The following DOP1A variants were observed in gnomAD, a reference collection of about 807,000 sequenced individuals.
DOP1A encodes DOP1 leucine zipper like protein A, also known as protein DOP1A.
In DOP1A, 90 loss-of-function variants were observed where a neutral mutation model predicts 267.6. The ratio of observed to expected loss-of-function variants is 0.34; its 90% CI spans 0.28 to 0.40. DOP1A has a LOEUF of 0.40. Among genes scored for constraint, DOP1A ranks in the 10% least tolerant of loss-of-function variants. The pLI is 1.00. For missense variants in DOP1A, 2,437 were observed against 2,900.4 expected (o/e 0.84, Z 3.67); for synonymous variants, 932 against 999.1 (o/e 0.93, Z 1.27).
chr6:83,168,028 G>A lies in DOP1A; in HGVS notation c.7259G>A (p.Gly2420Glu). 1 of 1,614,106 alleles carries A rather than the reference G, an allele frequency of 6.2e-7. No homozygotes were observed. Among genetic ancestry groups the A allele is most frequent in the Non-Finnish European group, 8.5e-7 (1 of 1,180,024 alleles). ...KVTSRCGGHS[G>E]SPILYSNAFP... ...ACAAGCCGATGTGGAGGACACTCAG[G>A]GAGTCCTATCCTCTACTCAAATGCC... Residue 2420 changes from glycine to glutamate, a missense_variant, in exon 39 of 39, where the codon GGG becomes GAG. Gly to Glu is a moderately conservative substitution (Grantham distance 98, BLOSUM62 -2). Transcript: ENST00000349129.
At chr6:83,117,763 C>A (rs1169192475) in intron 7 of DOP1A, among the ~76,000 whole-genome samples, 4 of 152,048 alleles carry the variant, frequency 2.6e-5, no homozygotes, top group Non-Finnish European at 5.9e-5. Context: ...TTTGTGCACC[C>A]CCTGAAAAAG....
chr6:83,070,084 C>T (rs1053881084), intron 1 of DOP1A, among the ~76,000 whole-genome samples: 8 of 152,118 alleles, frequency 5.3e-5, no homozygotes, highest in South Asian at 2.1e-4. Flanking sequence ...ACTAGTACAC[C>T]ACCAGTGTGG....
chr6:83,139,935 C>A, intron 21 of DOP1A, 65 bp from the exon 22 acceptor site: 1 of 1,058,316 alleles, frequency 9.4e-7, no homozygotes, highest in Non-Finnish European at 1.4e-6. Context: ...TGAGTATTTA[C>A]TAGTGATAAA....
At chr6:83,164,136 T>G (rs1233607375) in intron 38 of DOP1A, among the ~76,000 whole-genome samples, 15 of 148,684 alleles carry the variant, frequency 1.0e-4, no homozygotes. Context: ...TCAGAAATTT[T>G]CCAGTCTTCT....
Position 83,128,951 on chromosome 6 carries a change from G to T in DOP1A, c.1784G>T (p.Ser595Ile), listed in dbSNP as rs753464181. 3 of 1,575,884 alleles carry T rather than the reference G, an allele frequency of 1.9e-6. No homozygotes were observed. The highest frequency in any genetic ancestry group is 1.8e-5 in the Admixed American group (1 of 54,858). The change falls in exon 16 of 39, where the codon AGT becomes ATT. Residue 595 changes from serine to isoleucine, a missense_variant. This residue lies in a region of DOP1A where 498 missense variants were observed against 513.5 expected (regional missense o/e 0.97). Coordinates refer to ENST00000349129, the MANE Select transcript of DOP1A (RefSeq NM_015018.4). ...GAAGATGGAGAAAATCCACCAAGTA[G>T]TCGATCATCAGAGAGTGGATTCACT... ...VFEDGENPPS[S>I]RSSESGFTEF... is the part of the protein sequence containing the mutation.
chr6:83,132,431 A>C (rs1778215985), intron 18 of DOP1A, 103 bp downstream of exon 18: 1 of 1,263,372 alleles, frequency 7.9e-7, no homozygotes, highest in Non-Finnish European at 1.1e-6. Flanking sequence ...TGCAATTAAC[A>C]TCGGAGTAAG....
chr6:83,094,134 A>G (rs1771010679), intron 1 of DOP1A, among the ~76,000 whole-genome samples: 1 of 152,094 alleles, frequency 6.6e-6, no homozygotes, highest in South Asian at 2.1e-4. Flanking sequence ...AGATTTTTCT[A>G]TTCCTGTCAT....
At chr6:83,155,440 T>A (rs1213956558) in intron 33 of DOP1A, among the ~76,000 whole-genome samples, 1 of 151,850 alleles carries the variant, frequency 6.6e-6, no homozygotes, top group Non-Finnish European at 1.5e-5. Flanking sequence ...TCAGACTGGG[T>A]GACAGAGGAA....
At chr6:83,068,112 G>A (rs529598283) in intron 1 of DOP1A, among the ~76,000 whole-genome samples, 1 of 152,350 alleles carries the variant, frequency 6.6e-6, no homozygotes, top group African/African-American at 2.4e-5. Context: ...TGCTGGGGCG[G>A]AGCGGTGCGC....
At chr6:83,107,127 T>C (rs1773755607) in intron 4 of DOP1A, among the ~76,000 whole-genome samples, 1 of 152,078 alleles carries the variant, frequency 6.6e-6, no homozygotes, top group African/African-American at 2.4e-5. Context: ...AGAAGGTTAG[T>C]TAGAATAAAG....
intron 4 of DOP1A, among the ~76,000 whole-genome samples, chr6:83,103,932 AC>A (rs1162637038): frequency 6.6e-5 from 10 of 152,128 alleles, no homozygotes; most frequent in African/African-American, 2.4e-4. Flanking sequence ...TATATGTATT[AC>A]CCTTATTCTG....
At chr6:83,106,511 T>G (rs1408779820) in intron 4 of DOP1A, among the ~76,000 whole-genome samples, 1 of 151,902 alleles carries the variant, frequency 6.6e-6, no homozygotes, top group East Asian at 1.9e-4. Flanking sequence ...GAGTCAGAAA[T>G]AGAAAATGTA....
At chr6:83,083,766 A>T (rs912678078) in intron 1 of DOP1A, among the ~76,000 whole-genome samples, 1 of 152,186 alleles carries the variant, frequency 6.6e-6, no homozygotes, top group Non-Finnish European at 1.5e-5. Flanking sequence ...GTATGTGCTT[A>T]AGTGTTTATT....
At chr6:83,080,781 C>T (rs566332566) in intron 1 of DOP1A, among the ~76,000 whole-genome samples, 3 of 152,274 alleles carry the variant, frequency 2.0e-5, no homozygotes, top group African/African-American at 7.2e-5. Flanking sequence ...AGGTTCACCA[C>T]GGCCATTTAT....
At position 83,110,357 on chromosome 6, in the gene DOP1A, T is replaced by C. The variant is rs1304600287; in HGVS notation, c.681+43T>C. On this transcript the variant is annotated intron_variant, in intron 6 of 38. Transcript: ENST00000349129. ...GTTGCTCATTTCACAAATATTTCTT[T>C]AGAGTCAGGCACTATTCCAGACATA... is the stretch of plus-strand genomic sequence containing the variant. 3.2e-6 allele frequency: 5 copies of C among 1,580,028 alleles called. No individual in the cohort carries two copies. The South Asian group carries it at 5.8e-5, about 18-fold the overall frequency.
At position 83,113,394 on chromosome 6, in the gene DOP1A, C is replaced by T; in HGVS notation, c.753C>T (p.Leu251=). 1 of 1,613,786 alleles carries T rather than the reference C, an allele frequency of 6.2e-7. No individual in the cohort carries two copies. Among genetic ancestry groups the T allele is most frequent in the Middle Eastern group, 1.7e-4 (1 of 6,058 alleles). Residue 251 remains leucine, a synonymous_variant, in exon 7 of 39, where the codon CTC becomes CTT. Transcript: ENST00000349129. ...AGAGAAGCACACTGGACCTCATACT[C>T]TTCTGTTTTCCATTCCACATGAGTC... ...LVQRSTLDLI[L]FCFPFHMSQA...
At chr6:83,132,120 T>C (rs1361751094) in intron 17 of DOP1A, 56 bp from the exon 18 acceptor site, 2 of 1,566,468 alleles carry the variant, frequency 1.3e-6, no homozygotes, top group African/African-American at 1.4e-5. Flanking sequence ...ATAGGAAATA[T>C]TTGTTAAATT....
intron 7 of DOP1A, among the ~76,000 whole-genome samples, chr6:83,117,591 C>A (rs950596552): frequency 6.6e-6 from 1 of 152,172 alleles, no homozygotes; most frequent in African/African-American, 2.4e-5. Context: ...ATAGTAGGTG[C>A]AGCTGCTATG....
At chr6:83,077,135 A>G (rs1229122078) in intron 1 of DOP1A, among the ~76,000 whole-genome samples, 1 of 152,216 alleles carries the variant, frequency 6.6e-6, no homozygotes, top group African/African-American at 2.4e-5. Flanking sequence ...TGCAAGATGA[A>G]AAGTTCTGGA....
Sources: gnomAD v4.1 joint callset for allele counts (sites outside exome capture counted in the v4.1 genomes callset) on GRCh38, gnomAD v4.1.1 for gene constraint, gnomAD v4.1.1 regional missense constraint, MANE v1.5 for transcripts, NCBI Gene and HGNC (gene_info 2026-07-23, HGNC 2026-07-21) for gene names.